The following HECW2 variants were observed in gnomAD, a reference collection of about 807,000 sequenced individuals.
The protein encoded by HECW2 is E3 ubiquitin-protein ligase HECW2.
A neutral mutation model predicts 175.2 loss-of-function variants in HECW2; 61 were observed. That is an observed-to-expected ratio of 0.35 (90% confidence interval 0.28 to 0.43). The LOEUF (loss-of-function observed/expected upper bound fraction) is 0.43, where lower values mean the gene tolerates loss of function less well. Ranked by LOEUF, HECW2 falls within the 20% of genes least tolerant of loss-of-function variation. The pLI, the probability that HECW2 is intolerant of heterozygous loss-of-function variation, is 1.00. For missense variants in HECW2, 1,524 were observed against 2,000.5 expected, an observed-to-expected ratio of 0.76 and a Z score of 4.54; for synonymous variants, 671 against 731.0, an observed-to-expected ratio of 0.92 and a Z score of 1.32.
At chr2:196,570,334 T>C (rs13405151) in intron 1 of HECW2, among the ~76,000 whole-genome samples, 7,376 of 152,274 alleles carry the variant, frequency 0.048, 590 homozygotes, top group African/African-American at 0.17. Context: ...ACCAGCTACC[T>C]TCTGAATTCA....
intron 1 of HECW2, among the ~76,000 whole-genome samples, chr2:196,495,628 C>T (rs1193199055): frequency 6.6e-6 from 1 of 152,164 alleles, no homozygotes; most frequent in Non-Finnish European, 1.5e-5. Context: ...AAAGGCCAGA[C>T]AGCATGTGCA....
chr2:196,197,606 A>T lies in HECW2; in HGVS notation c.*3671T>A, dbSNP rs190663387. On this transcript the variant is annotated 3_prime_UTR_variant, in exon 29 of 29. Coordinates refer to ENST00000644978, the MANE Select transcript of HECW2 (RefSeq NM_001348768.2). ...CTTTTCAGAAGGTGTCATATTTTAA[A>T]TGTATCTGTTTAAGAAAGTGAGAGT... 2.8e-4 allele frequency: 42 copies of T among 152,276 alleles called. No homozygotes were observed. The South Asian group carries it at 4.8e-3, about 17-fold the overall frequency. 9.4% of individuals were successfully genotyped at this position (152,276 alleles called of 1,614,324 possible).
chr2:196,561,233 C>T (rs537075013), intron 1 of HECW2, among the ~76,000 whole-genome samples: 24 of 152,232 alleles, frequency 1.6e-4, no homozygotes, highest in Non-Finnish European at 2.8e-4. Context: ...TATGCAGCTG[C>T]AGATAAGGGA....
chr2:196,545,695 A>C (rs1689395370), intron 1 of HECW2, among the ~76,000 whole-genome samples: 1 of 152,224 alleles, frequency 6.6e-6, no homozygotes, highest in African/African-American at 2.4e-5. Context: ...CAGGACTGCA[A>C]GTCATTCTGT....
At chr2:196,498,365 C>T (rs963859882) in intron 1 of HECW2, among the ~76,000 whole-genome samples, 1 of 152,086 alleles carries the variant, frequency 6.6e-6, no homozygotes, top group African/African-American at 2.4e-5. Flanking sequence ...TAGAAATAGC[C>T]TAAAGGTCCC....
At chr2:196,300,048 G>T (rs1690984748) in intron 13 of HECW2, among the ~76,000 whole-genome samples, 1 of 152,184 alleles carries the variant, frequency 6.6e-6, no homozygotes. Flanking sequence ...AAAGAGAGAA[G>T]TTAGAACTCT....
chr2:196,554,067 G>A (rs1044017142), intron 1 of HECW2, among the ~76,000 whole-genome samples: 4 of 152,092 alleles, frequency 2.6e-5, no homozygotes, highest in East Asian at 1.9e-4. Context: ...GGCCGGGCGC[G>A]GTGGCTCACG....
intron 18 of HECW2, among the ~76,000 whole-genome samples, chr2:196,257,544 T>C (rs1012449653): frequency 6.6e-6 from 1 of 152,178 alleles, no homozygotes; most frequent in African/African-American, 2.4e-5. Flanking sequence ...TTCCATTCTG[T>C]GAGTGGGAGA....
intron 28 of HECW2, among the ~76,000 whole-genome samples, chr2:196,210,994 T>G (rs1466631242): frequency 6.6e-6 from 1 of 152,222 alleles, no homozygotes; most frequent in Non-Finnish European, 1.5e-5. Flanking sequence ...AAAGTTCTAT[T>G]CCATTAGATT....
At chr2:196,572,209 A>G (rs1006695059) in intron 1 of HECW2, among the ~76,000 whole-genome samples, 8 of 152,108 alleles carry the variant, frequency 5.3e-5, no homozygotes, top group East Asian at 1.9e-4. Context: ...TTGAGACAGG[A>G]TTTCACTGTG....
chr2:196,516,756 T>C (rs1363214039), intron 1 of HECW2, among the ~76,000 whole-genome samples: 1 of 152,180 alleles, frequency 6.6e-6, no homozygotes, highest in Non-Finnish European at 1.5e-5. Flanking sequence ...GGTAACAGAC[T>C]AGGCATTAAA....
chr2:196,487,951 A>G (rs1056073535), intron 1 of HECW2, among the ~76,000 whole-genome samples: 5 of 152,234 alleles, frequency 3.3e-5, no homozygotes, highest in South Asian at 4.1e-4. Flanking sequence ...AACCTTAGTT[A>G]AAAATAACAA....
chr2:196,481,121 A>G (rs1575594569), intron 1 of HECW2, among the ~76,000 whole-genome samples: 1 of 152,142 alleles, frequency 6.6e-6, no homozygotes, highest in Non-Finnish European at 1.5e-5. Context: ...TTCTGTGAAA[A>G]CCCATGCCTG....
chr2:196,575,459 T>G (rs1333018158), intron 1 of HECW2, among the ~76,000 whole-genome samples: 1 of 151,976 alleles, frequency 6.6e-6, no homozygotes, highest in Non-Finnish European at 1.5e-5. Context: ...ACATCCGCAC[T>G]CCCATGTTCA....
intron 14 of HECW2, chr2:196,288,013 A>G (rs1440856162): frequency 8.2e-6 from 1 of 122,182 alleles, no homozygotes; most frequent in South Asian, 2.6e-4. Flanking sequence ...TTTTTTTTTT[A>G]TTATACTTTA....
chr2:196,336,377 G>A (rs1324669767), intron 3 of HECW2, among the ~76,000 whole-genome samples: 1 of 152,180 alleles, frequency 6.6e-6, no homozygotes, highest in African/African-American at 2.4e-5. Context: ...GCAGAATAAA[G>A]TGTGGTAACA....
At chr2:196,422,830 C>G (rs967100808) in intron 2 of HECW2, among the ~76,000 whole-genome samples, 5 of 152,056 alleles carry the variant, frequency 3.3e-5, no homozygotes, top group Non-Finnish European at 7.4e-5. Flanking sequence ...ATCGGGCACT[C>G]TTAACTATAT....
rs374903433 is a variant in HECW2, at chr2:196,513,285, T to G, written c.-35-79827A>C. Among the ~76,000 whole-genome samples, 286 of 152,264 alleles carry G rather than the reference T, an allele frequency of 1.9e-3. 1 individual carries two copies. Among genetic ancestry groups the G allele is most frequent in the African/African-American group, 6.4e-3 (268 of 41,556 alleles). ...TCACACTTTGGGAGGCTAAGGCAGGTGGATCACTTGATCCCAGGAGTGAGA... is the reference window on the plus strand; with the variant it reads ...TCACACTTTGGGAGGCTAAGGCAGGGGGATCACTTGATCCCAGGAGTGAGA... On this transcript the variant is annotated intron_variant, in intron 1 of 28. Coordinates refer to ENST00000644978, the MANE Select transcript of HECW2 (RefSeq NM_001348768.2).
Position 196,325,023 on chromosome 2 carries a change from G to A in HECW2, c.698C>T (p.Ser233Phe). The A allele has an allele frequency of 6.2e-7, 1 of 1,606,072 alleles. No homozygotes were observed. Among genetic ancestry groups the A allele is most frequent in the Non-Finnish European group, 8.5e-7 (1 of 1,177,550 alleles). Reference protein sequence around the residue: ...TCAHHGQERRSTIISNTTNPI... With the variant: ...TCAHHGQERRFTIISNTTNPI... ...ATTGGTGGTGTTACTGATGATAGTA[G>A]ACCGTCTCTCCTGCCCGTGGTGGGC... The change falls in exon 6 of 29, where the codon TCT becomes TTT. Residue 233 changes from serine to phenylalanine, a missense_variant. By Grantham distance (155) the Ser-to-Phe change is radical. Transcript: ENST00000644978.
Sources: gnomAD v4.1 joint callset for allele counts (sites outside exome capture counted in the v4.1 genomes callset) on GRCh38, gnomAD v4.1.1 for gene constraint, MANE v1.5 for transcripts, NCBI Gene and HGNC (gene_info 2026-07-23, HGNC 2026-07-21) for gene names.